The following UBAP2 variants were observed in gnomAD, a reference collection of about 807,000 sequenced individuals.
UBAP2 encodes the protein ubiquitin associated protein 2.
In UBAP2, 75 loss-of-function variants were observed where a neutral mutation model predicts 139.6. That is an observed-to-expected ratio of 0.54 (90% CI 0.45 to 0.65). The LOEUF (loss-of-function observed/expected upper bound fraction) is 0.65. Ranked by LOEUF, UBAP2 falls within the 30% of genes least tolerant of loss-of-function variation. The pLI, the probability that UBAP2 is intolerant of heterozygous loss-of-function variation, is 0.00. For missense variants in UBAP2, 1,368 were observed against 1,369.6 expected (o/e 1.00, Z 0.02); for synonymous variants, 526 against 526.2 (o/e 1.00, Z 0.01).
intron 6 of UBAP2, among the ~76,000 whole-genome samples, chr9:33,979,653 C>A (rs1406274153): frequency 1.3e-5 from 2 of 152,022 alleles, no homozygotes; most frequent in Non-Finnish European, 2.9e-5. Context: ...GAGGCCGAGG[C>A]GGGCAGATCA....
At chr9:33,950,559 A>C (rs1826013941) in intron 12 of UBAP2, among the ~76,000 whole-genome samples, 2 of 152,232 alleles carry the variant, frequency 1.3e-5, no homozygotes, top group Admixed American at 6.5e-5. Flanking sequence ...GCTCATACTG[A>C]AACAGTTGTG....
At chr9:34,020,486 G>A (rs774981430) in intron 1 of UBAP2, among the ~76,000 whole-genome samples, 10 of 151,076 alleles carry the variant, frequency 6.6e-5, no homozygotes, top group South Asian at 4.2e-4. Context: ...CACCATGCCC[G>A]GCTAATTTTT....
At chr9:33,977,666 G>T (rs1239893751) in intron 6 of UBAP2, among the ~76,000 whole-genome samples, 1 of 151,032 alleles carries the variant, frequency 6.6e-6, no homozygotes, top group East Asian at 2.0e-4. Context: ...ATTGTTCAAG[G>T]TTTTTTTATT....
intron 1 of UBAP2, among the ~76,000 whole-genome samples, chr9:34,032,503 CAGAA>C (rs1259482301): frequency 6.6e-6 from 1 of 152,130 alleles, no homozygotes; most frequent in Non-Finnish European, 1.5e-5. Context: ...TTTGGCCAGT[CAGAA>C]GGAAGGAAGA....
chr9:34,049,149 C>T (rs1827894750), upstream of UBAP2, among the ~76,000 whole-genome samples: 2 of 152,306 alleles, frequency 1.3e-5, no homozygotes, highest in Middle Eastern at 3.4e-3. Flanking sequence ...TATTACCCAC[C>T]GCATACAAGG....
At chr9:33,940,899 A>G (rs1220517175) in intron 16 of UBAP2, among the ~76,000 whole-genome samples, 2 of 152,248 alleles carry the variant, frequency 1.3e-5, no homozygotes, top group Middle Eastern at 3.2e-3. Context: ...TTTTATATGC[A>G]CTAGGAAACC....
intron 8 of UBAP2, among the ~76,000 whole-genome samples, chr9:33,970,392 T>G (rs1827827488): frequency 6.6e-6 from 1 of 152,078 alleles, no homozygotes; most frequent in Non-Finnish European, 1.5e-5. Context: ...GGTACTCTCT[T>G]ATTTTTTGGC....
chr9:34,040,426 T>C (rs1445654457), intron 1 of UBAP2, among the ~76,000 whole-genome samples: 3 of 151,016 alleles, frequency 2.0e-5, no homozygotes, highest in South Asian at 2.1e-4. Context: ...ATATCTGTAA[T>C]TACAACAGAT....
At chr9:33,989,488 A>G (rs1821515876) in intron 4 of UBAP2, among the ~76,000 whole-genome samples, 1 of 152,210 alleles carries the variant, frequency 6.6e-6, no homozygotes, top group South Asian at 2.1e-4. Context: ...GGCGTGAGCC[A>G]CCGCGCCCGG....
chr9:33,950,383 T>C (rs1406880451), intron 12 of UBAP2, among the ~76,000 whole-genome samples: 1 of 152,172 alleles, frequency 6.6e-6, no homozygotes, highest in Admixed American at 6.5e-5. Context: ...AAAATAACAT[T>C]TCATATCCAT....
chr9:33,954,277 C>CACACACAT (rs1826361632), intron 11 of UBAP2, among the ~76,000 whole-genome samples: 1 of 146,816 alleles, frequency 6.8e-6, no homozygotes, highest in Non-Finnish European at 1.5e-5. Context: ...TATACACACA[C>CACACACAT]ACACACACAC....
intron 4 of UBAP2, 24 bp from the exon 5 acceptor site, chr9:33,989,150 T>C: frequency 6.3e-7 from 1 of 1,582,736 alleles, no homozygotes; most frequent in Non-Finnish European, 8.5e-7. Flanking sequence ...CGGCTGTTAA[T>C]CATTTATCAT....
intron 6 of UBAP2, 116 bp downstream of exon 6, chr9:33,986,644 A>G: frequency 1.1e-6 from 1 of 870,686 alleles, no homozygotes; most frequent in East Asian, 2.4e-5. Context: ...ATCAGATTTT[A>G]GATGACCTGC....
chr9:34,046,508 G>A (rs1827597942), intron 1 of UBAP2, among the ~76,000 whole-genome samples: 1 of 151,830 alleles, frequency 6.6e-6, no homozygotes, highest in Non-Finnish European at 1.5e-5. Context: ...GCCGGGCGTG[G>A]TGGTGGGTGC....
chr9:33,955,322 C>T (rs949377567), intron 11 of UBAP2, among the ~76,000 whole-genome samples: 2 of 151,714 alleles, frequency 1.3e-5, no homozygotes, highest in Non-Finnish European at 2.9e-5. Context: ...ATTTCGAGAC[C>T]AGCCTAGCCA....
intron 10 of UBAP2, 44 bp downstream of exon 10, chr9:33,960,782 A>C (rs777417316): frequency 2.2e-5 from 23 of 1,055,758 alleles, no homozygotes; most frequent in Non-Finnish European, 2.9e-5. Context: ...TTCCATTTCA[A>C]AAAAAAAAAA....
chr9:33,935,607 T>C, intron 17 of UBAP2: 3 of 580,034 alleles, frequency 5.2e-6, no homozygotes, highest in Middle Eastern at 2.7e-4. Context: ...GCACTTGTGG[T>C]GCAGTCTGAT....
chr9:33,968,433 C>T, intron 8 of UBAP2: 1 of 560,916 alleles, frequency 1.8e-6, no homozygotes, highest in Non-Finnish European at 3.6e-6. Flanking sequence ...ATAGTCATGG[C>T]CGAGGGCATG....
intron 16 of UBAP2, among the ~76,000 whole-genome samples, chr9:33,940,472 G>C (rs905293205): frequency 7.2e-5 from 11 of 152,256 alleles, no homozygotes; most frequent in African/African-American, 2.6e-4. Context: ...ACAAAATAAT[G>C]TCAAGTGATA....
Sources: allele counts gnomAD v4.1 joint callset (sites outside exome capture counted in the v4.1 genomes callset), GRCh38; gene constraint gnomAD v4.1.1; transcripts MANE v1.5; gene names NCBI Gene and HGNC (gene_info 2026-07-23, HGNC 2026-07-21).